MAP4: variants seen among roughly 807,000 people sequenced by gnomAD.
MAP4 encodes microtubule associated protein 4.
A neutral mutation model predicts 170.2 loss-of-function variants in MAP4; 76 were observed. The observed-to-expected ratio is 0.45, with a 90% CI of 0.37 to 0.54. MAP4 has a LOEUF of 0.54. MAP4 is among the 20% of genes least tolerant of loss of function. The pLI is 0.00. For synonymous variants in MAP4, 909 were observed against 994.5 expected (o/e 0.91, Z 1.62); for missense variants, 2,506 against 2,748.0 (o/e 0.91, Z 1.97).
intron 1 of MAP4, among the ~76,000 whole-genome samples, chr3:48,026,572 G>A (rs1004438328): frequency 5.3e-5 from 8 of 152,164 alleles, no homozygotes; most frequent in Non-Finnish European, 1.2e-4. Flanking sequence ...GATTTTTCTA[G>A]AAGAATCTTA....
At chr3:48,055,398 G>C (rs1400533228) in intron 1 of MAP4, among the ~76,000 whole-genome samples, 1 of 152,040 alleles carries the variant, frequency 6.6e-6, no homozygotes, top group Non-Finnish European at 1.5e-5. Context: ...TGGAGACGGG[G>C]TTTCGCTGTG....
rs1217498134 is a variant in MAP4 at position 47,851,361 on chromosome 3, T to C, written c.*1573A>G. 1.3e-5 allele frequency: 2 copies of C among 152,218 alleles called. No homozygotes were observed. Among genetic ancestry groups the C allele is most frequent in the Non-Finnish European group, 1.5e-5 (1 of 68,052 alleles). The allele number at this position is 152,218 out of a possible 1,614,324, so 9.4% of individuals were successfully genotyped here. A position where few individuals can be genotyped will look rare whatever the true frequency, so the allele number is the denominator to read the frequency against. ...CCTGTCAGGCCCAGGACAGCCTCCC[T>C]GCACATGGAGATCAAATCTAAACTT... On this transcript the variant is annotated 3_prime_UTR_variant, in exon 21 of 21. Transcript: ENST00000683076.
At chr3:48,010,843 C>T (rs113373148) in intron 1 of MAP4, among the ~76,000 whole-genome samples, 1,735 of 152,254 alleles carry the variant, frequency 0.011, 36 homozygotes, top group African/African-American at 0.039. Context: ...ATCTTTCTCC[C>T]GTGCTGGATG....
At chr3:48,070,166 G>T (rs2154564073) in intron 1 of MAP4, among the ~76,000 whole-genome samples, 1 of 151,330 alleles carries the variant, frequency 6.6e-6, no homozygotes, top group African/African-American at 2.4e-5. Flanking sequence ...TTTCAGAGAT[G>T]GGGTCTTGCT....
intron 17 of MAP4, among the ~76,000 whole-genome samples, chr3:47,859,073 G>A (rs1411901869): frequency 1.3e-5 from 2 of 152,108 alleles, no homozygotes; most frequent in Non-Finnish European, 2.9e-5. Flanking sequence ...AGCTTGCAGT[G>A]AGCCGAGATC....
chr3:48,073,364 A>G (rs1443669393), intron 1 of MAP4, among the ~76,000 whole-genome samples: 1 of 151,568 alleles, frequency 6.6e-6, no homozygotes, highest in Non-Finnish European at 1.5e-5. Flanking sequence ...TAATCCCAGC[A>G]CTTAGGGAAG....
At position 47,928,255 on chromosome 3, in the gene MAP4, C is replaced by T; in HGVS notation, c.388G>A (p.Glu130Lys). 1 of 1,614,148 alleles carries T rather than the reference C, an allele frequency of 6.2e-7. No individual in the cohort carries two copies. Among genetic ancestry groups the T allele is most frequent in the Non-Finnish European group, 8.5e-7 (1 of 1,180,024 alleles). Reference sequence around the variant, plus strand: ...GTCTGGATAGGATCGACCACTTGCTCAGGTTGGAAACAAAAGTTGGTATCT... The same window carrying T: ...GTCTGGATAGGATCGACCACTTGCTTAGGTTGGAAACAAAAGTTGGTATCT... ...PEDTNFCFQP[E>K]QVVDPIQTDP... The change falls in exon 4 of 21, where the codon GAG becomes AAG. Residue 130 changes from glutamate to lysine, a missense_variant. By Grantham distance (56) the Glu-to-Lys change is moderately conservative. Transcript: ENST00000683076.
chr3:48,000,196 C>T (rs545658871), intron 1 of MAP4, among the ~76,000 whole-genome samples: 1 of 119,480 alleles, frequency 8.4e-6, no homozygotes, highest in South Asian at 2.8e-4. Context: ...GCATGGGCGA[C>T]AGAGGAAGTC....
chr3:47,954,939 G>A (rs1291749711), intron 3 of MAP4, among the ~76,000 whole-genome samples: 1 of 152,136 alleles, frequency 6.6e-6, no homozygotes, highest in Non-Finnish European at 1.5e-5. Flanking sequence ...AATAGTAAGG[G>A]CTAAATGGAA....
chr3:47,922,910 C>G (rs777400999), intron 4 of MAP4, among the ~76,000 whole-genome samples: 2 of 152,022 alleles, frequency 1.3e-5, no homozygotes, highest in African/African-American at 4.8e-5. Flanking sequence ...ATTAGTCAGG[C>G]GTGGTGGCAC....
chr3:48,028,315 GAGTTTA>G (rs1428917232), intron 1 of MAP4, among the ~76,000 whole-genome samples: 2 of 152,124 alleles, frequency 1.3e-5, no homozygotes, highest in Non-Finnish European at 2.9e-5. Flanking sequence ...AAATTTGCAG[GAGTTTA>G]AGTACGACAC....
intron 3 of MAP4, among the ~76,000 whole-genome samples, chr3:47,951,381 G>A (rs970465861): frequency 6.6e-6 from 1 of 151,668 alleles, no homozygotes; most frequent in Admixed American, 6.6e-5. Flanking sequence ...CTCTTTCCAC[G>A]GTCTCCCTCT....
At chr3:47,880,645 A>T (rs577460120) in intron 10 of MAP4, among the ~76,000 whole-genome samples, 17 of 151,964 alleles carry the variant, frequency 1.1e-4, no homozygotes, top group South Asian at 6.2e-4. Context: ...TACAAAAAAA[A>T]TTTTTTTGAA....
In MAP4 at chr3:48,002,286, C is replaced by T. The variant is rs932775539; in HGVS notation, c.-19-3407G>A. Among the ~76,000 whole-genome samples the T allele has an allele frequency of 4.7e-5, 7 of 150,004 alleles. No individual in the cohort carries two copies. The South Asian group carries it at 1.3e-3, about 27-fold the overall frequency. On this transcript the variant is annotated intron_variant, in intron 1 of 20. Transcript: ENST00000683076. ...AAAAAAAATCACACTCTGAGCCAGGCGTGGTGGTTCACACCTGTAATCCCA... is the reference window on the plus strand; with the variant it reads ...AAAAAAAATCACACTCTGAGCCAGGTGTGGTGGTTCACACCTGTAATCCCA...
intron 12 of MAP4, among the ~76,000 whole-genome samples, chr3:47,872,893 C>T (rs878963382): frequency 6.6e-6 from 1 of 152,166 alleles, no homozygotes; most frequent in Non-Finnish European, 1.5e-5. Context: ...ATGTTCAAAT[C>T]GAGCCATTCT....
chr3:48,058,290 AGGCCAGTAGGCC>A (rs1248827208), intron 1 of MAP4, among the ~76,000 whole-genome samples: 1 of 152,216 alleles, frequency 6.6e-6, no homozygotes, highest in Admixed American at 6.5e-5. Flanking sequence ...AGAGGGAGGG[AGGCCAGTAGGCC>A]GGCTGGCCAG....
At chr3:48,076,137 T>C (rs115607873) in intron 1 of MAP4, among the ~76,000 whole-genome samples, 1,581 of 151,608 alleles carry the variant, frequency 0.01, 27 homozygotes, top group African/African-American at 0.036. Context: ...ATCCCAGCAT[T>C]TTGGGAGGCA....
chr3:47,952,923 C>A, intron 3 of MAP4, among the ~76,000 whole-genome samples: 1 of 151,096 alleles, frequency 6.6e-6, no homozygotes, highest in Non-Finnish European at 1.5e-5. Context: ...GACTCCATCT[C>A]AAAAAATAAA....
intron 3 of MAP4, among the ~76,000 whole-genome samples, chr3:47,967,640 A>G (rs1296591776): frequency 6.6e-6 from 1 of 152,144 alleles, no homozygotes; most frequent in African/African-American, 2.4e-5. Flanking sequence ...CAACAAAGCA[A>G]GACTCCTTCT....
Sources: allele counts gnomAD v4.1 joint callset (sites outside exome capture counted in the v4.1 genomes callset), GRCh38; gene constraint gnomAD v4.1.1; transcripts MANE v1.5; gene names NCBI Gene and HGNC (gene_info 2026-07-23, HGNC 2026-07-21).